Variants in PEX5L observed in about 807,000 individuals in gnomAD.
PEX5L encodes the protein peroxisomal biogenesis factor 5 like.
PEX5L carries 30 observed loss-of-function variants against 84.0 expected under a neutral mutation model. The ratio of observed to expected loss-of-function variants is 0.36; its 90% confidence interval spans 0.27 to 0.48. The LOEUF (loss-of-function observed/expected upper bound fraction) is 0.48, where lower values mean the gene tolerates loss of function less well. Ranked by LOEUF, PEX5L falls within the 20% of genes least tolerant of loss-of-function variation. The pLI, the probability that PEX5L is intolerant of heterozygous loss-of-function variation, is 0.99. For synonymous variants in PEX5L, 270 were observed against 283.1 expected (o/e 0.95, Z 0.46); for missense variants, 533 against 754.6 (o/e 0.71, Z 3.44).
chr3:179,825,469 T>C (rs539171588), intron 8 of PEX5L, among the ~76,000 whole-genome samples: 5 of 152,314 alleles, frequency 3.3e-5, no homozygotes, highest in African/African-American at 9.6e-5. Context: ...GCAATGTTAT[T>C]AATGAATTGA....
intron 4 of PEX5L, among the ~76,000 whole-genome samples, chr3:179,882,065 T>G (rs935975411): frequency 6.6e-6 from 1 of 152,232 alleles, no homozygotes; most frequent in Non-Finnish European, 1.5e-5. Context: ...ACCACTATTA[T>G]GTTGGCAAGG....
chr3:179,820,351 T>C (rs145655221), intron 8 of PEX5L: 2 of 193,146 alleles, frequency 1.0e-5, no homozygotes, highest in Non-Finnish European at 2.1e-5. Flanking sequence ...GCTTTGGGAC[T>C]GGCTGAGCAG....
At chr3:179,980,695 C>T (rs1217447941) in intron 1 of PEX5L, among the ~76,000 whole-genome samples, 2 of 152,060 alleles carry the variant, frequency 1.3e-5, no homozygotes, top group African/African-American at 4.8e-5. Flanking sequence ...AGATCTGGGG[C>T]CACAGACAGG....
At chr3:179,826,473 T>C (rs192682350) in intron 8 of PEX5L, among the ~76,000 whole-genome samples, 1 of 152,260 alleles carries the variant, frequency 6.6e-6, no homozygotes, top group Admixed American at 6.5e-5. Flanking sequence ...TAATGTGCAA[T>C]GGAATATGCT....
At chr3:179,845,310 A>G (rs1409034799) in intron 8 of PEX5L, among the ~76,000 whole-genome samples, 4 of 152,220 alleles carry the variant, frequency 2.6e-5, no homozygotes, top group Non-Finnish European at 4.4e-5. Context: ...ATTTTACCAT[A>G]TAACTCAGCT....
intron 1 of PEX5L, 151 bp downstream of exon 1, chr3:180,036,428 G>T: frequency 1.3e-6 from 1 of 795,960 alleles, no homozygotes; most frequent in Non-Finnish European, 2.2e-6. Flanking sequence ...TAGTTTTCCC[G>T]GCAGCACCGG....
chr3:179,971,089 A>AATT (rs1784605384), intron 2 of PEX5L, among the ~76,000 whole-genome samples: 1 of 152,128 alleles, frequency 6.6e-6, no homozygotes, highest in Admixed American at 6.6e-5. Context: ...TTTATTAAAT[A>AATT]GCCTCTTCTT....
intron 2 of PEX5L, among the ~76,000 whole-genome samples, chr3:179,951,791 G>T (rs559921319): frequency 6.6e-6 from 1 of 152,316 alleles, no homozygotes; most frequent in Admixed American, 6.5e-5. Flanking sequence ...CTCTCAAAAA[G>T]AGGAGCAATG....
At chr3:179,903,628 G>A (rs1344953555) in intron 2 of PEX5L, among the ~76,000 whole-genome samples, 1 of 152,188 alleles carries the variant, frequency 6.6e-6, no homozygotes, top group Admixed American at 6.5e-5. Flanking sequence ...GGTTGCTCTT[G>A]TCTGTCATGC....
At chr3:179,862,142 C>T (rs112201590) in intron 7 of PEX5L, among the ~76,000 whole-genome samples, 3,553 of 152,254 alleles carry the variant, frequency 0.023, 135 homozygotes, top group African/African-American at 0.081. Flanking sequence ...CATTCTTTGG[C>T]TTATGACTGC....
intron 2 of PEX5L, among the ~76,000 whole-genome samples, chr3:179,967,251 G>C (rs1447081357): frequency 6.6e-6 from 1 of 152,152 alleles, no homozygotes; most frequent in Non-Finnish European, 1.5e-5. Context: ...TGGATGGCAG[G>C]AGGGAGAGCT....
At chr3:179,996,577 C>A (rs1787908366) in intron 1 of PEX5L, among the ~76,000 whole-genome samples, 1 of 152,118 alleles carries the variant, frequency 6.6e-6, no homozygotes, top group Admixed American at 6.5e-5. Flanking sequence ...GCCTACTCAT[C>A]CCAGCTAGGA....
intron 1 of PEX5L, among the ~76,000 whole-genome samples, chr3:180,000,608 C>A (rs1788310079): frequency 6.6e-6 from 1 of 152,062 alleles, no homozygotes; most frequent in Admixed American, 6.5e-5. Flanking sequence ...GCTGCAGAAA[C>A]AAGGACTGTA....
At chr3:179,851,793 A>G (rs1324510624) in intron 8 of PEX5L, among the ~76,000 whole-genome samples, 1 of 152,192 alleles carries the variant, frequency 6.6e-6, no homozygotes, top group African/African-American at 2.4e-5. Context: ...AATGTCCCCT[A>G]AGGAACATGG....
rs75746104 is a variant in PEX5L at position 179,911,535 on chromosome 3, C to T, written c.94-13289G>A. Among the ~76,000 whole-genome samples, 20 of 152,170 alleles carry T rather than the reference C, an allele frequency of 1.3e-4. No homozygotes were observed. In the East Asian group the frequency reaches 3.1e-3, roughly 24 times the overall value. On this transcript the variant is annotated intron_variant, in intron 2 of 14. Transcript: ENST00000467460. The stretch of plus-strand genomic sequence containing the variant: ...TATATGTAAAAGTAAGAATTCAATA[C>T]GCTCTAATAATATTATAAATCAGCA...
chr3:180,027,341 T>C (rs986955644), intron 1 of PEX5L, among the ~76,000 whole-genome samples: 1 of 152,186 alleles, frequency 6.6e-6, no homozygotes, highest in African/African-American at 2.4e-5. Flanking sequence ...TTCCAACACA[T>C]TATTTATTTT....
At chr3:179,820,735 T>C (rs1054862455) in intron 8 of PEX5L, among the ~76,000 whole-genome samples, 6 of 152,258 alleles carry the variant, frequency 3.9e-5, no homozygotes, top group Admixed American at 1.3e-4. Flanking sequence ...GTTCCTAGAC[T>C]GAAGAAGATT....
intron 3 of PEX5L, among the ~76,000 whole-genome samples, chr3:179,897,681 T>C (rs141346983): frequency 6.6e-6 from 1 of 152,146 alleles, no homozygotes; most frequent in Non-Finnish European, 1.5e-5. Flanking sequence ...ATATGTAGTA[T>C]GCATAGTCAC....
intron 3 of PEX5L, among the ~76,000 whole-genome samples, chr3:179,895,365 G>A (rs529076299): frequency 1.3e-4 from 20 of 152,190 alleles, no homozygotes; most frequent in Admixed American, 3.3e-4. Flanking sequence ...GTACTGGACA[G>A]CACAGGTCCA....
Sources: allele counts gnomAD v4.1 joint callset (sites outside exome capture counted in the v4.1 genomes callset), GRCh38; gene constraint gnomAD v4.1.1; transcripts MANE v1.5; gene names NCBI Gene and HGNC (gene_info 2026-07-23, HGNC 2026-07-21).